The following LONP1 variants were observed in gnomAD, a reference collection of about 807,000 sequenced individuals.
LONP1 encodes the protein lon peptidase 1, mitochondrial, also known as lon protease homolog, mitochondrial.
In LONP1, 31 loss-of-function variants were observed where a neutral mutation model predicts 98.5. The ratio of observed to expected loss-of-function variants is 0.31; its 90% CI spans 0.24 to 0.42. The LOEUF is 0.42. Ranked by LOEUF, LONP1 falls within the 20% of genes least tolerant of loss-of-function variation. LONP1 has a pLI of 1.00. For synonymous variants in LONP1, 781 were observed against 594.7 expected, an observed-to-expected ratio of 1.31 and a Z score of -4.56; for missense variants, 1,336 against 1,350.6, an observed-to-expected ratio of 0.99 and a Z score of 0.17.
chr19:5,700,707 G>A, intron 9 of LONP1, 82 bp downstream of exon 9: 1 of 1,561,712 alleles, frequency 6.4e-7, no homozygotes, highest in Non-Finnish European at 8.7e-7. Context: ...GGGCTCCTTT[G>A]AAATCTCAAC....
At chr19:5,703,102 A>G (rs1341484583) in intron 8 of LONP1, among the ~76,000 whole-genome samples, 2 of 148,708 alleles carry the variant, frequency 1.3e-5, no homozygotes, top group Non-Finnish European at 3.0e-5. Flanking sequence ...AATGGCATGA[A>G]CCCGAGAGGC....
In LONP1 at chr19:5,720,139, G is replaced by C. The variant is rs1451882846; in HGVS notation, c.-7C>G. On this transcript the variant is annotated 5_prime_UTR_variant, in exon 1 of 18. Transcript: ENST00000360614. ...AGCCAGTGCTCGCCGCCATAGCCCG[G>C]CCATACTGGCGGCTCACACAACTCG... 15 of 1,401,602 alleles carry C rather than the reference G, an allele frequency of 1.1e-5. No homozygotes were observed. Among genetic ancestry groups the C allele is most frequent in the Non-Finnish European group, 1.4e-5 (15 of 1,085,898 alleles). The allele number at this position is 1,401,602 out of a possible 1,614,324, so 86.8% of individuals were successfully genotyped here.
intron 9 of LONP1, among the ~76,000 whole-genome samples, chr19:5,700,558 A>G (rs1029648742): frequency 1.4e-4 from 21 of 152,344 alleles, no homozygotes; most frequent in African/African-American, 4.6e-4. Context: ...CTGGGACTAC[A>G]AGCAGCCCCA....
rs527366898 is a variant in LONP1 at position 5,693,298 on chromosome 19, C to T, written c.2703G>A (p.Ala901=). The change falls in exon 17 of 18, where the codon GCG becomes GCA. Residue 901 remains alanine, a splice_region_variant and synonymous_variant. Coordinates refer to ENST00000360614, the MANE Select transcript of LONP1 (RefSeq NM_004793.4). The part of the protein sequence containing the change: ...PVGGIKEKTI[A]AKRAGVTCIV... ...GTGGGGTGGGTACAGGGACACTCAC[C>T]GCAATGGTCTTCTCCTTGATGCCAC... 2.9e-5 allele frequency: 47 copies of T among 1,609,314 alleles called. No individual in the cohort carries two copies. The highest frequency in any genetic ancestry group is 1.3e-4 in the African/African-American group (10 of 74,850).
intron 7 of LONP1, 121 bp downstream of exon 7, chr19:5,706,939 G>T (rs1165039043): frequency 5.3e-6 from 4 of 756,878 alleles, no homozygotes; most frequent in African/African-American, 3.5e-5. Flanking sequence ...ACCCAGACAG[G>T]CCTTCTTGGC....
At chr19:5,716,259 C>CATATATATAT (rs3082272) in intron 1 of LONP1, among the ~76,000 whole-genome samples, 821 of 77,046 alleles carry the variant, frequency 0.011, 53 homozygotes, top group African/African-American at 0.013. Context: ...TTAAAATATA[C>CATATATATAT]ATATATATAT....
chr19:5,702,636 A>G (rs939449860), intron 8 of LONP1, among the ~76,000 whole-genome samples: 5 of 152,266 alleles, frequency 3.3e-5, no homozygotes, highest in African/African-American at 9.6e-5. Flanking sequence ...TGTAGAAAGA[A>G]GTAGACATGA....
chr19:5,693,115 T>C (rs1430198512), intron 17 of LONP1, among the ~76,000 whole-genome samples, 183 bp downstream of exon 17: 1 of 152,174 alleles, frequency 6.6e-6, no homozygotes, highest in Non-Finnish European at 1.5e-5. Flanking sequence ...TCCACAAGAC[T>C]TGCTGTGGAG....
intron 8 of LONP1, among the ~76,000 whole-genome samples, chr19:5,705,507 G>A (rs577885354): frequency 1.5e-3 from 228 of 150,642 alleles, no homozygotes; most frequent in African/African-American, 5.4e-3. Flanking sequence ...AGGCGTCCCT[G>A]GGCTCAAATC....
chr19:5,696,963 TC>T (rs2054942983), intron 10 of LONP1, among the ~76,000 whole-genome samples: 2 of 152,194 alleles, frequency 1.3e-5, no homozygotes, highest in African/African-American at 4.8e-5. Flanking sequence ...CAGCTCAGAT[TC>T]TGGGGTCACT....
chr19:5,692,186 C>A lies in LONP1; in HGVS notation c.2726G>T (p.Cys909Phe). The A allele has an allele frequency of 6.2e-7, 1 of 1,613,620 alleles. No individual in the cohort carries two copies. Among genetic ancestry groups the A allele is most frequent in the Non-Finnish European group, 8.5e-7 (1 of 1,179,718 alleles). ...CTTGTTCTCGGCTGGCAGGACGATG[C>A]ACGTCACCCCTGCGCGCTTGGCCTG... ...TIAAKRAGVT[C>F]IVLPAENKKD... Residue 909 changes from cysteine (C) to phenylalanine (F), a missense_variant, in exon 18 of 18, where the codon TGC (cysteine) becomes TTC (phenylalanine). By Grantham distance (205) the Cys-to-Phe change is radical. Around this residue, in one of 5 missense-constraint regions of LONP1, gnomAD observed 555 missense variants for 542.6 expected, o/e 1.02. Transcript: ENST00000360614.
rs1387595049 is a variant in LONP1, at chr19:5,699,106, T to C, written c.1606A>G (p.Ile536Val). 2.5e-6 allele frequency: 4 copies of C among 1,602,710 alleles called. No homozygotes were observed. The highest frequency in any genetic ancestry group is 2.6e-6 in the Non-Finnish European group (3 of 1,173,078). Reference protein sequence around the residue: ...GVGKTSIARSIARALNREYFR... With the variant: ...GVGKTSIARSVARALNREYFR... ...TACTCTCGGTTCAGGGCGCGGGCGA[T>C]GGAGCGAGCAATGCTGGTCTTACCC... Residue 536 changes from isoleucine (I) to valine (V), a missense_variant, in exon 10 of 18, where the codon ATC (isoleucine) becomes GTC (valine). Coordinates refer to ENST00000360614, the MANE Select transcript of LONP1 (RefSeq NM_004793.4).
intron 3 of LONP1, 110 bp from the exon 4 acceptor site, chr19:5,712,112 C>G: frequency 1.2e-6 from 1 of 863,498 alleles, no homozygotes; most frequent in South Asian, 1.8e-5. Context: ...GAGCCCAGAC[C>G]TCTGGAGCCA....
chr19:5,715,909 C>T (rs961153464), intron 1 of LONP1, among the ~76,000 whole-genome samples: 13 of 151,974 alleles, frequency 8.6e-5, no homozygotes, highest in African/African-American at 3.1e-4. Context: ...ACTTCCTTAT[C>T]ACATCATATG....
rs898440665 is a variant in LONP1 at position 5,694,672 on chromosome 19, A to C, written c.2154+89T>G. On this transcript the variant is annotated intron_variant, in intron 14 of 17. Transcript: ENST00000360614. ...GGTGGTGGGGTGATGGGCGCAGGAA[A>C]GTGGGATGATGGGCATGGAAAGGTG... 4 of 1,431,314 alleles carry C rather than the reference A, an allele frequency of 2.8e-6. No homozygotes were observed. In the Admixed American group the frequency reaches 7.1e-5, roughly 26 times the overall value. The allele number at this position is 1,431,314 out of a possible 1,614,324, so 88.7% of individuals were successfully genotyped here. A position where few individuals can be genotyped will look rare whatever the true frequency, so the allele number is the denominator to read the frequency against.
intron 1 of LONP1, among the ~76,000 whole-genome samples, chr19:5,717,055 A>G (rs1489219437): frequency 6.6e-6 from 1 of 152,170 alleles, no homozygotes; most frequent in Admixed American, 6.6e-5. Context: ...CAGCCTCCCA[A>G]AGTGCTGGGA....
chr19:5,712,646 G>A (rs569271319), intron 3 of LONP1, among the ~76,000 whole-genome samples: 43 of 152,136 alleles, frequency 2.8e-4, no homozygotes, highest in African/African-American at 9.9e-4. Context: ...ACAGGAACAC[G>A]CCGTCACATC....
chr19:5,692,594 GTCACC>G (rs1269951297), intron 17 of LONP1, among the ~76,000 whole-genome samples: 2 of 152,102 alleles, frequency 1.3e-5, no homozygotes, highest in East Asian at 3.9e-4. Context: ...CAGGCCCTGC[GTCACC>G]CCCCTCACCT....
chr19:5,704,331 C>T (rs753281811), intron 8 of LONP1, among the ~76,000 whole-genome samples: 12 of 152,182 alleles, frequency 7.9e-5, no homozygotes, highest in Admixed American at 1.3e-4. Flanking sequence ...GTGGCACCGT[C>T]GGAGCAGCCA....
Sources: gnomAD v4.1 joint callset for allele counts (sites outside exome capture counted in the v4.1 genomes callset) on GRCh38, gnomAD v4.1.1 for gene constraint, gnomAD v4.1.1 regional missense constraint, MANE v1.5 for transcripts, NCBI Gene and HGNC (gene_info 2026-07-23, HGNC 2026-07-21) for gene names.